WDR25: variants seen among roughly 807,000 people sequenced by gnomAD.
WDR25 encodes WD repeat-containing protein 25.
A neutral mutation model predicts 47.7 loss-of-function variants in WDR25; 35 were observed. The observed-to-expected ratio is 0.73, with a 90% CI of 0.56 to 0.97. The LOEUF (loss-of-function observed/expected upper bound fraction) is 0.97, where lower values mean the gene tolerates loss of function less well. WDR25 is among the 50% of genes least tolerant of loss of function. The probability of loss-of-function intolerance (pLI) is 0.00; values close to 1 mark genes in which losing one functional copy is unlikely to be tolerated. For missense variants in WDR25, 634 were observed against 704.7 expected, an observed-to-expected ratio of 0.90 and a Z score of 1.14; for synonymous variants, 248 against 278.9, an observed-to-expected ratio of 0.89 and a Z score of 1.10.
At chr14:100,519,377 AT>A (rs1222923508) in intron 4 of WDR25, among the ~76,000 whole-genome samples, 3 of 152,056 alleles carry the variant, frequency 2.0e-5, no homozygotes, top group Non-Finnish European at 4.4e-5. Context: ...TACATGTTGC[AT>A]AATTTTAATT....
intron 4 of WDR25, among the ~76,000 whole-genome samples, chr14:100,512,798 G>A (rs1365720171): frequency 6.6e-6 from 1 of 152,078 alleles, no homozygotes; most frequent in Non-Finnish European, 1.5e-5. Context: ...TTTTCATTCA[G>A]TTCAAAATAC....
intron 2 of WDR25, among the ~76,000 whole-genome samples, chr14:100,447,946 C>A (rs556755235): frequency 1.9e-4 from 29 of 152,270 alleles, no homozygotes; most frequent in African/African-American, 7.0e-4. Flanking sequence ...GTAATCCCAG[C>A]ACTTTGGGAG....
intron 3 of WDR25, among the ~76,000 whole-genome samples, chr14:100,480,142 T>G (rs746812950): frequency 6.6e-6 from 1 of 152,198 alleles, no homozygotes; most frequent in Non-Finnish European, 1.5e-5. Flanking sequence ...GATTCCAGTT[T>G]TCAGTGGCTT....
At chr14:100,452,454 G>T (rs527291617) in intron 2 of WDR25, among the ~76,000 whole-genome samples, 1 of 152,362 alleles carries the variant, frequency 6.6e-6, no homozygotes, top group Non-Finnish European at 1.5e-5. Flanking sequence ...AGATGAAGGG[G>T]AGTGATGAGA....
intron 2 of WDR25, among the ~76,000 whole-genome samples, chr14:100,414,923 A>G (rs1403404412): frequency 6.6e-6 from 1 of 151,708 alleles, no homozygotes; most frequent in Non-Finnish European, 1.5e-5. Flanking sequence ...AAAAAGAAGA[A>G]AAAAAGGTCC....
chr14:100,468,766 C>T lies in WDR25; in HGVS notation c.970+598C>T, dbSNP rs191426578. Among the ~76,000 whole-genome samples, 42 of 152,158 alleles carry T rather than the reference C, an allele frequency of 2.8e-4. No individual in the cohort carries two copies. Among genetic ancestry groups the T allele is most frequent in the African/African-American group, 9.6e-4 (40 of 41,506 alleles). On this transcript the variant is annotated intron_variant, in intron 3 of 6. Coordinates refer to ENST00000402312, the MANE Select transcript of WDR25 (RefSeq NM_001161476.3). The surrounding 1 kb of genome is among the most constrained non-coding windows in gnomAD (Gnocchi z 4.5). ...CAGGCACTGTCAATACCCACCGCAG[C>T]CACAGCCCCCAGGTGGGCTCTCTCC...
chr14:100,515,256 T>C (rs1595164774), intron 4 of WDR25, among the ~76,000 whole-genome samples: 1 of 152,222 alleles, frequency 6.6e-6, no homozygotes, highest in African/African-American at 2.4e-5. Flanking sequence ...CAATGTATTA[T>C]AGTCTTTTAT....
chr14:100,399,186 A>G (rs1191029212), intron 2 of WDR25, among the ~76,000 whole-genome samples: 1 of 151,748 alleles, frequency 6.6e-6, no homozygotes. Context: ...TGCTTACCAC[A>G]TTGATGTTTT....
At chr14:100,487,907 C>T (rs1467269638) in intron 4 of WDR25, 1 of 152,194 alleles carries the variant, frequency 6.6e-6, no homozygotes, top group Non-Finnish European at 1.5e-5. Context: ...TTTCTGCCAA[C>T]AGAACTGAGG....
Position 100,380,967 on chromosome 14 carries a change from TATG to T in WDR25, c.49_51del (p.Asp17del). Reference sequence around the variant, plus strand: ...GTCTTTAATGGCTTCATTGGTAGCGTATGATGATTCGGACTCGGAGGCTGAGAC... The same window carrying T: ...GTCTTTAATGGCTTCATTGGTAGCGTATGATTCGGACTCGGAGGCTGAGAC... On this transcript the variant is annotated inframe_deletion, in exon 2 of 7. Transcript: ENST00000402312. 1 of 1,614,220 alleles carries T rather than the reference TATG, an allele frequency of 6.2e-7. No individual in the cohort carries two copies. The highest frequency in any genetic ancestry group is 8.5e-7 in the Non-Finnish European group (1 of 1,180,030).
chr14:100,405,981 G>A (rs571815012), intron 2 of WDR25, among the ~76,000 whole-genome samples: 1 of 152,268 alleles, frequency 6.6e-6, no homozygotes, highest in South Asian at 2.1e-4. Context: ...TTTTGGGCCT[G>A]GGTCCAGCTC....
At chr14:100,386,305 G>A (rs1306558206) in intron 2 of WDR25, among the ~76,000 whole-genome samples, 3 of 152,176 alleles carry the variant, frequency 2.0e-5, no homozygotes, top group African/African-American at 4.8e-5. Context: ...GGCCTCCCTG[G>A]TCGGGGGCCC....
At chr14:100,413,415 CTT>C (rs563468543) in intron 2 of WDR25, among the ~76,000 whole-genome samples, 33 of 140,282 alleles carry the variant, frequency 2.4e-4, no homozygotes, top group South Asian at 4.5e-4. Context: ...TTTGCCATTA[CTT>C]TTTTTTTTTT....
rs565301847 is a variant in WDR25 at position 100,469,573 on chromosome 14, G to T, written c.970+1405G>T. ...TGCCCTTCCCACCGTGCCGTGTGTG[G>T]CAGTTTCTTCTCACAAAGCACTTCC... On this transcript the variant is annotated intron_variant, in intron 3 of 6. Coordinates refer to ENST00000402312, the MANE Select transcript of WDR25 (RefSeq NM_001161476.3). 1.6e-4 allele frequency among the ~76,000 whole-genome samples: 25 copies of T among 152,292 alleles called. No individual in the cohort carries two copies. In the South Asian group the frequency reaches 4.6e-3, roughly 28 times the overall value.
chr14:100,465,584 C>T (rs1338550536), intron 2 of WDR25, among the ~76,000 whole-genome samples: 4 of 152,220 alleles, frequency 2.6e-5, no homozygotes, highest in Non-Finnish European at 5.9e-5. Flanking sequence ...ATGGATAGAA[C>T]ACATTTTTAC....
intron 3 of WDR25, among the ~76,000 whole-genome samples, chr14:100,476,017 A>G (rs1900004250): frequency 6.6e-6 from 1 of 152,188 alleles, no homozygotes; most frequent in Admixed American, 6.5e-5. Context: ...AACTACTACT[A>G]TTTCTTCTGT....
intron 2 of WDR25, among the ~76,000 whole-genome samples, chr14:100,412,722 G>A (rs1272855054): frequency 6.6e-6 from 1 of 152,168 alleles, no homozygotes; most frequent in African/African-American, 2.4e-5. Context: ...AGGGGAGAGT[G>A]TTTTGAGATG....
At chr14:100,445,472 C>G (rs1448952094) in intron 2 of WDR25, among the ~76,000 whole-genome samples, 1 of 150,830 alleles carries the variant, frequency 6.6e-6, no homozygotes, top group African/African-American at 2.4e-5. Context: ...TCATAAAACT[C>G]ACACCAAGGG....
chr14:100,478,636 A>G (rs145613309), intron 3 of WDR25, among the ~76,000 whole-genome samples: 2 of 152,246 alleles, frequency 1.3e-5, no homozygotes, highest in African/African-American at 4.8e-5. Flanking sequence ...AAAAATGTAT[A>G]AACTACAGCT....
Sources: gnomAD v4.1 joint callset for allele counts (sites outside exome capture counted in the v4.1 genomes callset) on GRCh38, gnomAD v4.1.1 for gene constraint, Gnocchi (gnomAD v3.1) non-coding constraint, MANE v1.5 for transcripts, NCBI Gene and HGNC (gene_info 2026-07-23, HGNC 2026-07-21) for gene names.